The following TMEFF1 variants were observed in gnomAD, a reference collection of about 807,000 sequenced individuals.
TMEFF1 encodes the protein tomoregulin-1.
In TMEFF1, 20 loss-of-function variants were observed where a neutral mutation model predicts 47.5. That is an observed-to-expected ratio of 0.42 (90% confidence interval 0.30 to 0.61). The LOEUF is 0.61. TMEFF1 is among the 20% of genes least tolerant of loss of function. TMEFF1 has a pLI of 0.19. For missense variants in TMEFF1, 411 were observed against 471.1 expected (o/e 0.87, Z 1.18); for synonymous variants, 162 against 166.3 (o/e 0.97, Z 0.20).
intron 1 of TMEFF1, among the ~76,000 whole-genome samples, chr9:100,495,160 T>C (rs1207986354): frequency 1.3e-5 from 2 of 152,156 alleles, no homozygotes; most frequent in African/African-American, 4.8e-5. Context: ...ACCACTGATA[T>C]TAATATTGTT....
intron 2 of TMEFF1, among the ~76,000 whole-genome samples, chr9:100,502,240 G>A (rs1284321322): frequency 6.6e-6 from 1 of 151,564 alleles, no homozygotes; most frequent in Non-Finnish European, 1.5e-5. Flanking sequence ...TCATTTTTTT[G>A]TTTTTCTTTT....
At chr9:100,507,845 G>A (rs181019476) in intron 2 of TMEFF1, among the ~76,000 whole-genome samples, 3 of 152,154 alleles carry the variant, frequency 2.0e-5, no homozygotes, top group Non-Finnish European at 4.4e-5. Flanking sequence ...AATTTCTGTT[G>A]GAAATGGCTG....
chr9:100,477,455 A>G (rs1343532093), intron 1 of TMEFF1, among the ~76,000 whole-genome samples: 1 of 152,144 alleles, frequency 6.6e-6, no homozygotes, highest in Non-Finnish European at 1.5e-5. Flanking sequence ...CCATTTTAGT[A>G]ATCCTGTTAA....
At chr9:100,528,427 A>C (rs1838308865) in intron 5 of TMEFF1, among the ~76,000 whole-genome samples, 1 of 146,976 alleles carries the variant, frequency 6.8e-6, no homozygotes, top group Admixed American at 6.7e-5. Context: ...TCAAGGCTCG[A>C]GAACTACGTG....
At chr9:100,576,368 C>G (rs1401517170) in intron 9 of TMEFF1, 148 bp from the exon 10 acceptor site, 3 of 1,008,386 alleles carry the variant, frequency 3.0e-6, no homozygotes, top group African/African-American at 1.6e-5. Flanking sequence ...TCTTGTCTTG[C>G]AACAGATACC....
intron 8 of TMEFF1, among the ~76,000 whole-genome samples, chr9:100,566,106 T>C (rs1029803779): frequency 1.3e-5 from 2 of 152,214 alleles, no homozygotes; most frequent in African/African-American, 2.4e-5. Context: ...TCAAGAATTA[T>C]ACTGTCTCTT....
At chr9:100,505,410 C>CAA (rs60312984) in intron 2 of TMEFF1, among the ~76,000 whole-genome samples, 310 of 26,446 alleles carry the variant, frequency 0.012, no homozygotes, top group Admixed American at 0.013. Context: ...GACCCTGTCT[C>CAA]AAAAAAAAAA....
At chr9:100,479,548 C>G (rs571655040) in intron 1 of TMEFF1, among the ~76,000 whole-genome samples, 17 of 152,154 alleles carry the variant, frequency 1.1e-4, no homozygotes, top group Non-Finnish European at 2.5e-4. Flanking sequence ...CCTCCCCAGT[C>G]CCTGGTTACT....
intron 7 of TMEFF1, among the ~76,000 whole-genome samples, chr9:100,557,156 C>A (rs1838929754): frequency 6.6e-6 from 1 of 151,368 alleles, no homozygotes; most frequent in Non-Finnish European, 1.5e-5. Context: ...CCATTAAGTT[C>A]ATCTGTTTAA....
intron 6 of TMEFF1, 150 bp downstream of exon 6, chr9:100,548,042 C>G (rs1838767550): frequency 1.0e-6 from 1 of 980,990 alleles, no homozygotes; most frequent in South Asian, 4.3e-5. Context: ...TTTTTTATTA[C>G]TAATTTAGTT....
At chr9:100,548,834 A>G (rs952909686) in intron 6 of TMEFF1, among the ~76,000 whole-genome samples, 1 of 152,152 alleles carries the variant, frequency 6.6e-6, no homozygotes, top group African/African-American at 2.4e-5. Context: ...ATTTTTAGGT[A>G]GGAGTTGAGT....
At chr9:100,566,090 T>A (rs998401810) in intron 8 of TMEFF1, among the ~76,000 whole-genome samples, 2 of 152,228 alleles carry the variant, frequency 1.3e-5, no homozygotes, top group Non-Finnish European at 2.9e-5. Flanking sequence ...CATTCTTCAC[T>A]TGGTGTCAAG....
At position 100,572,465 on chromosome 9, in the gene TMEFF1, G is replaced by A. The variant is rs1386752255; in HGVS notation, c.900-53G>A. On this transcript the variant is annotated intron_variant, in intron 8 of 9. Transcript: ENST00000374879. The stretch of plus-strand genomic sequence containing the variant: ...TTGTATTTTTTAATGTAAAAGCTTG[G>A]GAGTATCAAAATTTGTAATTTTCAT... 2.7e-6 allele frequency: 4 copies of A among 1,468,166 alleles called. No homozygotes were observed. The Admixed American group carries it at 7.2e-5, about 26-fold the overall frequency. 90.9% of individuals were successfully genotyped at this position (1,468,166 alleles called of 1,614,324 possible). A position where few individuals can be genotyped will look rare whatever the true frequency, so the allele number is the denominator to read the frequency against.
intron 5 of TMEFF1, among the ~76,000 whole-genome samples, chr9:100,533,117 T>G (rs966889474): frequency 1.8e-4 from 27 of 147,054 alleles, no homozygotes; most frequent in South Asian, 4.7e-4. Flanking sequence ...AGGGATAGCA[T>G]TGGGAGATAT....
At chr9:100,498,692 C>T (rs991576564) in intron 1 of TMEFF1, 73 bp from the exon 2 acceptor site, 10 of 1,403,612 alleles carry the variant, frequency 7.1e-6, no homozygotes, top group Non-Finnish European at 8.9e-6. Context: ...CATACACACA[C>T]ACACACGCGC....
intron 7 of TMEFF1, among the ~76,000 whole-genome samples, chr9:100,550,713 C>T (rs545651495): frequency 6.6e-6 from 1 of 152,196 alleles, no homozygotes; most frequent in African/African-American, 2.4e-5. Context: ...TCTGTAACCT[C>T]CTCTAGGCTA....
At chr9:100,574,095 G>T (rs1239543326) in intron 9 of TMEFF1, among the ~76,000 whole-genome samples, 1 of 152,236 alleles carries the variant, frequency 6.6e-6, no homozygotes, top group East Asian at 1.9e-4. Context: ...AAGGTTCCAT[G>T]TTGAGTCATC....
At chr9:100,575,139 G>A (rs1308656996) in intron 9 of TMEFF1, among the ~76,000 whole-genome samples, 1 of 152,124 alleles carries the variant, frequency 6.6e-6, no homozygotes, top group African/African-American at 2.4e-5. Context: ...TATTTCCATT[G>A]AGTTTTTAAG....
intron 5 of TMEFF1, among the ~76,000 whole-genome samples, chr9:100,534,111 G>A (rs1838458660): frequency 6.6e-6 from 1 of 152,198 alleles, no homozygotes; most frequent in South Asian, 2.1e-4. Context: ...GCCTGAGGCA[G>A]GAGTGTCCCT....
Sources: allele counts gnomAD v4.1 joint callset (sites outside exome capture counted in the v4.1 genomes callset), GRCh38; gene constraint gnomAD v4.1.1; transcripts MANE v1.5; gene names NCBI Gene and HGNC (gene_info 2026-07-23, HGNC 2026-07-21).